Variants in TUSC3 observed in about 807,000 individuals in gnomAD.
TUSC3 encodes the protein dolichyl-diphosphooligosaccharide--protein glycosyltransferase subunit TUSC3.
Under a neutral mutation model 44.8 loss-of-function variants are expected in TUSC3, and 45 were observed. The ratio of observed to expected loss-of-function variants is 1.00; its 90% CI spans 0.79 to 1.29. The LOEUF (loss-of-function observed/expected upper bound fraction) is 1.29, where lower values mean the gene tolerates loss of function less well. Ranked by LOEUF, TUSC3 falls within the 50% of genes most tolerant of loss-of-function variation. The pLI is 0.00. For missense variants in TUSC3, 519 were observed against 437.9 expected (o/e 1.19, Z -1.65); for synonymous variants, 212 against 152.9 (o/e 1.39, Z -2.85).
chr8:15,765,643 T>G lies in TUSC3; in HGVS notation c.*1487T>G, dbSNP rs1428751271. On this transcript the variant is annotated 3_prime_UTR_variant, in exon 11 of 11. Coordinates refer to ENST00000503731, the MANE Select transcript of TUSC3 (RefSeq NM_006765.4). ...TTCAGTGAAAATTACGTAATAATTG[T>G]AAGTTTATAATCATACTCCCAAATC... 6.6e-6 allele frequency: 1 copy of G among 152,080 alleles called. No individual in the cohort carries two copies. Among genetic ancestry groups the G allele is most frequent in the Non-Finnish European group, 1.5e-5 (1 of 67,964 alleles). 9.4% of individuals were successfully genotyped at this position (152,080 alleles called of 1,614,324 possible). A position where few individuals can be genotyped will look rare whatever the true frequency, so the allele number is the denominator to read the frequency against.
chr8:15,777,916 T>C, the TUSC3 span, among the ~76,000 whole-genome samples: 2 of 152,156 alleles, frequency 1.3e-5, no homozygotes, highest in East Asian at 1.9e-4. Context: ...AACTTCGTTG[T>C]AGATGGACCA....
intron 1 of TUSC3, among the ~76,000 whole-genome samples, chr8:15,447,098 C>A (rs900707406): frequency 6.6e-6 from 1 of 150,962 alleles, no homozygotes; most frequent in Non-Finnish European, 1.5e-5. Context: ...GACAAGATGA[C>A]AATATAGGAT....
chr8:15,441,647 T>C (rs1228291643), intron 1 of TUSC3, among the ~76,000 whole-genome samples: 1 of 152,166 alleles, frequency 6.6e-6, no homozygotes, highest in East Asian at 1.9e-4. Context: ...TCTCATTCCT[T>C]AATAAGCACG....
chr8:15,505,137 T>G (rs546705662), intron 2 of TUSC3, among the ~76,000 whole-genome samples: 1 of 152,310 alleles, frequency 6.6e-6, no homozygotes, highest in East Asian at 1.9e-4. Flanking sequence ...GAATAAATCA[T>G]CTGTCATCCA....
intron 2 of TUSC3, among the ~76,000 whole-genome samples, chr8:15,496,341 C>G (rs374576977): frequency 6.6e-6 from 1 of 152,282 alleles, no homozygotes; most frequent in South Asian, 2.1e-4. Flanking sequence ...AATTATTCCA[C>G]GCCTCTAGGG....
At chr8:15,654,918 C>T (rs188228307) in intron 3 of TUSC3, among the ~76,000 whole-genome samples, 3 of 152,264 alleles carry the variant, frequency 2.0e-5, no homozygotes, top group East Asian at 3.9e-4. Flanking sequence ...TCCATCTTTA[C>T]TTCTTCATTG....
At chr8:15,787,104 T>G in the TUSC3 span, among the ~76,000 whole-genome samples, 24 of 152,120 alleles carry the variant, frequency 1.6e-4, 1 homozygote, top group Non-Finnish European at 3.2e-4. Context: ...CTTCTGTGAG[T>G]TAATTTATAA....
intron 6 of TUSC3, among the ~76,000 whole-genome samples, chr8:15,726,183 T>G (rs1810487911): frequency 6.6e-6 from 1 of 152,184 alleles, no homozygotes; most frequent in Non-Finnish European, 1.5e-5. Context: ...AAAATCAGGT[T>G]TATTTCACAT....
intron 6 of TUSC3, among the ~76,000 whole-genome samples, chr8:15,681,687 T>G (rs986476847): frequency 1.3e-5 from 2 of 152,000 alleles, no homozygotes; most frequent in African/African-American, 4.8e-5. Context: ...TGCTCTGATT[T>G]TAGTTATTTA....
chr8:15,681,642 T>C (rs1808435651), intron 6 of TUSC3, among the ~76,000 whole-genome samples: 1 of 151,966 alleles, frequency 6.6e-6, no homozygotes, highest in African/African-American at 2.4e-5. Flanking sequence ...ATTGATTCTT[T>C]ATATGGATTT....
At chr8:15,688,000 T>C (rs1808713651) in intron 6 of TUSC3, among the ~76,000 whole-genome samples, 1 of 152,102 alleles carries the variant, frequency 6.6e-6, no homozygotes, top group African/African-American at 2.4e-5. Flanking sequence ...AAATATTACA[T>C]CAGAGGAGAA....
chr8:15,571,780 C>G (rs1454885422), intron 1 of TUSC3, among the ~76,000 whole-genome samples: 1 of 152,170 alleles, frequency 6.6e-6, no homozygotes, highest in African/African-American at 2.4e-5. Flanking sequence ...GCTCTATCAA[C>G]TAAGTTTATG....
the TUSC3 span, among the ~76,000 whole-genome samples, chr8:15,845,886 C>A: frequency 6.6e-6 from 1 of 151,944 alleles, no homozygotes; most frequent in Non-Finnish European, 1.5e-5. Flanking sequence ...ATACCTGAGA[C>A]TGGAAAGAAA....
At chr8:15,441,686 A>T (rs1189416387) in intron 1 of TUSC3, among the ~76,000 whole-genome samples, 1 of 152,190 alleles carries the variant, frequency 6.6e-6, no homozygotes, top group African/African-American at 2.4e-5. Context: ...TCAATTATTC[A>T]GTTGTGAAGA....
chr8:15,706,666 A>G (rs1396201572), intron 6 of TUSC3, among the ~76,000 whole-genome samples: 1 of 152,174 alleles, frequency 6.6e-6, no homozygotes, highest in African/African-American at 2.4e-5. Flanking sequence ...AGATGTTAAT[A>G]TACGAATAAA....
chr8:15,499,225 C>G (rs1421497525), intron 2 of TUSC3, among the ~76,000 whole-genome samples: 1 of 152,180 alleles, frequency 6.6e-6, no homozygotes, highest in African/African-American at 2.4e-5. Flanking sequence ...CTGCCTCTCT[C>G]TTACCTGAAA....
At chr8:15,701,443 T>G (rs1215487100) in intron 6 of TUSC3, among the ~76,000 whole-genome samples, 2 of 152,160 alleles carry the variant, frequency 1.3e-5, no homozygotes, top group Non-Finnish European at 2.9e-5. Flanking sequence ...ACTTTAAACA[T>G]TTTTAAGCCA....
At chr8:15,519,721 C>T (rs771295323) in intron 2 of TUSC3, among the ~76,000 whole-genome samples, 6 of 152,132 alleles carry the variant, frequency 3.9e-5, no homozygotes, top group Non-Finnish European at 7.3e-5. Flanking sequence ...CAAGTCCCAT[C>T]GTGCCAAAAA....
chr8:15,493,295 C>T (rs1014738803), intron 2 of TUSC3, among the ~76,000 whole-genome samples: 2 of 152,074 alleles, frequency 1.3e-5, no homozygotes, highest in African/African-American at 4.8e-5. Flanking sequence ...GGGTCTCTCT[C>T]TGTTGCCCAG....
Sources: allele counts gnomAD v4.1 joint callset (sites outside exome capture counted in the v4.1 genomes callset), GRCh38; gene constraint gnomAD v4.1.1; transcripts MANE v1.5; gene names NCBI Gene and HGNC (gene_info 2026-07-23, HGNC 2026-07-21).